OPTC: variants seen among roughly 807,000 people sequenced by gnomAD.
OPTC encodes opticin, also known as oculoglycan.
Under a neutral mutation model 25.4 loss-of-function variants are expected in OPTC, and 22 were observed. The ratio of observed to expected loss-of-function variants is 0.87; its 90% CI spans 0.62 to 1.24. OPTC has a LOEUF of 1.24. Ranked by LOEUF, OPTC falls within the 50% of genes most tolerant of loss-of-function variation. The pLI, the probability that OPTC is intolerant of heterozygous loss-of-function variation, is 0.00. For synonymous variants in OPTC, 169 were observed against 179.3 expected (o/e 0.94, Z 0.46); for missense variants, 417 against 425.2 (o/e 0.98, Z 0.17).
chr1:203,508,281 G>A (rs536215920), intron 7 of OPTC, among the ~76,000 whole-genome samples: 1 of 152,318 alleles, frequency 6.6e-6, no homozygotes, highest in Admixed American at 6.5e-5. Context: ...GGACTCGGGA[G>A]GGCATCACCC....
rs759950321 is a variant in OPTC, at chr1:203,495,955, C to A, written c.-41-10C>A. On this transcript the variant is annotated splice_polypyrimidine_tract_variant and intron_variant, in intron 1 of 7. Coordinates refer to ENST00000367222, the MANE Select transcript of OPTC (RefSeq NM_014359.4). Reference sequence around the variant, plus strand: ...TCAGATCGCTGCCCTTCCTCGTGCCCACTTGCCAGGACCAGCCGCTGAAGG... The same window carrying A: ...TCAGATCGCTGCCCTTCCTCGTGCCAACTTGCCAGGACCAGCCGCTGAAGG... The A allele has an allele frequency of 4.6e-5, 61 of 1,330,524 alleles. No homozygotes were observed. The highest frequency in any genetic ancestry group is 5.8e-5 in the Admixed American group (3 of 52,098). 82.4% of individuals were successfully genotyped at this position (1,330,524 alleles called of 1,614,324 possible).
rs1199977046 is a variant in OPTC, at chr1:203,496,058, G to A, written c.53G>A (p.Gly18Glu). The A allele has an allele frequency of 6.2e-7, 1 of 1,614,004 alleles. No homozygotes were observed. Among genetic ancestry groups the A allele is most frequent in the Admixed American group, 1.7e-5 (1 of 59,998 alleles). The change falls in exon 2 of 8, where the codon GGG (glycine) becomes GAG (glutamate). Residue 18 changes from glycine to glutamate, a missense_variant. Gly to Glu is a moderately conservative substitution (Grantham distance 98). Transcript: ENST00000367222. ...CTGGCCTTGGTGCTGCAGGAGACAG[G>A]GACAGCTTCTCTCCCAAGGAAGGAG... ...SLLALVLQET[G>E]TASLPRKERK... is the part of the protein sequence containing the mutation.
At chr1:203,496,479 T>C (rs2102219013) in intron 2 of OPTC, among the ~76,000 whole-genome samples, 1 of 152,304 alleles carries the variant, frequency 6.6e-6, no homozygotes, top group South Asian at 2.1e-4. Context: ...TATGTCTCAC[T>C]GGGGGAGGGG....
intron 5 of OPTC, among the ~76,000 whole-genome samples, chr1:203,501,818 C>T (rs1161403560): frequency 6.6e-6 from 1 of 152,064 alleles, no homozygotes; most frequent in Non-Finnish European, 1.5e-5. Flanking sequence ...GCCACGTGAC[C>T]CCGGGCCTCA....
chr1:203,504,315 C>T (rs557220060), intron 7 of OPTC, among the ~76,000 whole-genome samples: 2 of 152,180 alleles, frequency 1.3e-5, no homozygotes, highest in South Asian at 2.1e-4. Context: ...CACTATTAAT[C>T]GTGCCCTTGA....
intron 3 of OPTC, 72 bp from the exon 4 acceptor site, chr1:203,498,609 T>G (rs1189929510): frequency 6.3e-7 from 1 of 1,583,944 alleles, no homozygotes; most frequent in Admixed American, 1.7e-5. Context: ...GTTCAGACAC[T>G]CCCTGGGGCG....
intron 5 of OPTC, among the ~76,000 whole-genome samples, chr1:203,501,165 A>G (rs1661386152): frequency 6.6e-6 from 1 of 152,098 alleles, no homozygotes. Flanking sequence ...GTGTGGCATG[A>G]TCTCGGCTCA....
At chr1:203,495,688 T>C (rs1216143339) in intron 1 of OPTC, among the ~76,000 whole-genome samples, 1 of 152,172 alleles carries the variant, frequency 6.6e-6, no homozygotes, top group Non-Finnish European at 1.5e-5. Context: ...CTTGTGAATG[T>C]GTCTGTGTTG....
rs997295359 is a variant in OPTC, at chr1:203,503,785, G to A, written c.*25+40G>A. 13 of 1,522,530 alleles carry A rather than the reference G, an allele frequency of 8.5e-6. No homozygotes were observed. The East Asian group carries it at 2.9e-4, about 34-fold the overall frequency. The allele number at this position is 1,522,530 out of a possible 1,614,324, so 94.3% of individuals were successfully genotyped here. A position where few individuals can be genotyped will look rare whatever the true frequency, so the allele number is the denominator to read the frequency against. ...AGGACCATGCAGGCATGGGCCTCCA[G>A]CCATAAAGCCCAATTCCTTATCTTT... On this transcript the variant is annotated intron_variant, in intron 7 of 7. Transcript: ENST00000367222.
At chr1:203,496,258 C>G (rs758393345) in intron 2 of OPTC, 22 bp downstream of exon 2, 1 of 1,561,968 alleles carries the variant, frequency 6.4e-7, no homozygotes, top group Non-Finnish European at 8.8e-7. Flanking sequence ...AGCAGACCAA[C>G]TACATTCCCT....
chr1:203,507,591 C>T (rs944103970), intron 7 of OPTC, among the ~76,000 whole-genome samples: 5 of 152,222 alleles, frequency 3.3e-5, no homozygotes, highest in African/African-American at 4.8e-5. Context: ...TCCTCTGGGG[C>T]ACCCTGTGGC....
chr1:203,504,740 AC>A (rs1387454669), intron 7 of OPTC, among the ~76,000 whole-genome samples: 3 of 152,160 alleles, frequency 2.0e-5, no homozygotes, highest in Admixed American at 6.5e-5. Context: ...TGTAGCACTT[AC>A]CTACTCCCTG....
chr1:203,499,627 G>C, intron 4 of OPTC, 22 bp from the exon 5 acceptor site: 1 of 1,601,398 alleles, frequency 6.2e-7, no homozygotes, highest in Non-Finnish European at 8.6e-7. Context: ...TTCTCTCTTT[G>C]TTCTCCCCTA....
intron 1 of OPTC, 92 bp from the exon 2 acceptor site, chr1:203,495,873 G>C: frequency 1.4e-6 from 1 of 700,788 alleles, no homozygotes; most frequent in South Asian, 1.5e-5. Flanking sequence ...AAGTGTGGGG[G>C]TGGGAAGTGG....
chr1:203,500,021 C>CTGCCACCACCA (rs1661352024), intron 5 of OPTC, among the ~76,000 whole-genome samples, 170 bp downstream of exon 5: 1 of 120,106 alleles, frequency 8.3e-6, no homozygotes, highest in Non-Finnish European at 1.8e-5. Flanking sequence ...ACACCTACCA[C>CTGCCACCACCA]CCACCTACCA....
At chr1:203,494,776 G>C (rs1297491473) in intron 1 of OPTC, among the ~76,000 whole-genome samples, 1 of 152,216 alleles carries the variant, frequency 6.6e-6, no homozygotes, top group Non-Finnish European at 1.5e-5. Flanking sequence ...GGGTATGACT[G>C]TTGTATACAC....
intron 7 of OPTC, among the ~76,000 whole-genome samples, chr1:203,504,469 G>A (rs1480896283): frequency 2.0e-5 from 3 of 152,122 alleles, no homozygotes; most frequent in Non-Finnish European, 4.4e-5. Context: ...TACAGAAATT[G>A]GTAAACACTA....
intron 2 of OPTC, among the ~76,000 whole-genome samples, 164 bp downstream of exon 2, chr1:203,496,400 T>A (rs1450218320): frequency 1.3e-5 from 2 of 152,194 alleles, no homozygotes; most frequent in Non-Finnish European, 2.9e-5. Flanking sequence ...TAGATGATAC[T>A]AAGAAACAGG....
intron 1 of OPTC, among the ~76,000 whole-genome samples, chr1:203,495,551 T>A (rs1304948255): frequency 1.3e-5 from 2 of 152,078 alleles, no homozygotes; most frequent in African/African-American, 4.8e-5. Context: ...CCCATAAGAT[T>A]ATTTGATGTT....
Sources: allele counts gnomAD v4.1 joint callset (sites outside exome capture counted in the v4.1 genomes callset), GRCh38; gene constraint gnomAD v4.1.1; transcripts MANE v1.5; gene names NCBI Gene and HGNC (gene_info 2026-07-23, HGNC 2026-07-21).